The following SMG1 variants were observed in gnomAD, a reference collection of about 807,000 sequenced individuals.
SMG1 encodes serine/threonine-protein kinase SMG1.
In SMG1, 22 loss-of-function variants were observed where a neutral mutation model predicts 419.9. The observed-to-expected ratio is 0.05, with a 90% CI of 0.04 to 0.07. The LOEUF is 0.07. Among genes scored for constraint, SMG1 ranks in the 10% least tolerant of loss-of-function variants. The probability of loss-of-function intolerance (pLI) is 1.00; values close to 1 mark genes in which losing one functional copy is unlikely to be tolerated. For missense variants in SMG1, 3,185 were observed against 4,342.0 expected (o/e 0.73, Z 7.49); for synonymous variants, 1,538 against 1,553.5 (o/e 0.99, Z 0.23).
chr16:18,899,822 A>G (rs190347354), intron 1 of SMG1, among the ~76,000 whole-genome samples: 202 of 152,182 alleles, frequency 1.3e-3, no homozygotes, highest in African/African-American at 4.5e-3. Flanking sequence ...TGTTAAGTCT[A>G]AGAATCCTAG....
At chr16:18,892,967 C>A (rs1438773109) in intron 3 of SMG1, among the ~76,000 whole-genome samples, 1 of 152,210 alleles carries the variant, frequency 6.6e-6, no homozygotes, top group Non-Finnish European at 1.5e-5. Flanking sequence ...GCCTTAGTAA[C>A]AACTTTCTTT....
chr16:18,895,242 A>T (rs1283674537), intron 3 of SMG1, among the ~76,000 whole-genome samples: 2 of 151,984 alleles, frequency 1.3e-5, no homozygotes, highest in Admixed American at 1.3e-4. Context: ...TCACGCCTGT[A>T]ATGAGCACGC....
At position 18,918,433 on chromosome 16, in the gene SMG1, TTTC is replaced by T. The variant is rs560088860; in HGVS notation, c.92+7514_92+7516del. Among the ~76,000 whole-genome samples the T allele has an allele frequency of 2.0e-4, 30 of 152,326 alleles. No individual in the cohort carries two copies. In the South Asian group the frequency reaches 5.6e-3, roughly 28 times the overall value. Reference sequence around the variant, plus strand: ...AATTTGCACCTGGTCTTATCCTAATTTTCTTCTATTTTGGGGGGGATTCTCCCC... The same window carrying T: ...AATTTGCACCTGGTCTTATCCTAATTTTCTATTTTGGGGGGGATTCTCCCC... On this transcript the variant is annotated intron_variant, in intron 1 of 62. Transcript: ENST00000446231.
intron 38 of SMG1, 32 bp downstream of exon 38, chr16:18,847,421 C>A (rs1210108030): frequency 6.2e-7 from 1 of 1,606,158 alleles, no homozygotes; most frequent in South Asian, 1.1e-5. Flanking sequence ...GTGGCAGCTT[C>A]ACTGTCTCAG....
rs2031153643 is a variant in SMG1, at chr16:18,809,357, C to G, written c.*212G>C. On this transcript the variant is annotated 3_prime_UTR_variant, in exon 63 of 63. Transcript: ENST00000446231. Reference sequence around the variant, plus strand: ...AGCTTGCTTTCCTTCACCCTTGACCCTGGGGTTGCAGGCCATGGTGTTGGG... The same window carrying G: ...AGCTTGCTTTCCTTCACCCTTGACCGTGGGGTTGCAGGCCATGGTGTTGGG... The G allele has an allele frequency of 2.0e-5, 11 of 539,378 alleles. No individual in the cohort carries two copies. The South Asian group carries it at 2.8e-4, about 14-fold the overall frequency. The allele number at this position is 539,378 out of a possible 1,614,324, so 33.4% of individuals were successfully genotyped here.
rs1198946587 is a variant in SMG1, at chr16:18,806,192, C to T, written c.*3377G>A. On this transcript the variant is annotated 3_prime_UTR_variant, in exon 63 of 63. Coordinates refer to ENST00000446231, the MANE Select transcript of SMG1 (RefSeq NM_015092.5). ...TTTCCTTAAATTTCACACGTCAGAA[C>T]AACCACAATTAAAAAAACAAAAAAC... The T allele has an allele frequency of 1.3e-5, 2 of 152,418 alleles. No homozygotes were observed. Among genetic ancestry groups the T allele is most frequent in the African/African-American group, 4.8e-5 (2 of 41,408 alleles). The allele number at this position is 152,418 out of a possible 1,614,324, so 9.4% of individuals were successfully genotyped here. A position where few individuals can be genotyped will look rare whatever the true frequency, so the allele number is the denominator to read the frequency against.
chr16:18,807,569 A>C lies in SMG1; in HGVS notation c.*2000T>G, dbSNP rs1023559501. 2.6e-5 allele frequency: 4 copies of C among 152,150 alleles called. No individual in the cohort carries two copies. The highest frequency in any genetic ancestry group is 9.7e-5 in the African/African-American group (4 of 41,444). The allele number at this position is 152,150 out of a possible 1,614,324, so 9.4% of individuals were successfully genotyped here. On this transcript the variant is annotated 3_prime_UTR_variant, in exon 63 of 63. Transcript: ENST00000446231. The stretch of plus-strand genomic sequence containing the variant: ...AGTACCAAAAAAGCACTGATACTGA[A>C]ACACATTCTTTCATGGGTACTTAAC...
intron 35 of SMG1, 68 bp from the exon 36 acceptor site, chr16:18,849,446 TAGATCAAAC>T: frequency 7.0e-7 from 1 of 1,434,682 alleles, no homozygotes; most frequent in Non-Finnish European, 9.6e-7. Flanking sequence ...ATCAGCATCG[TAGATCAAAC>T]AGATAAAACG....
intron 1 of SMG1, among the ~76,000 whole-genome samples, chr16:18,910,145 T>C (rs1390106357): frequency 6.6e-6 from 1 of 151,790 alleles, no homozygotes; most frequent in Non-Finnish European, 1.5e-5. Flanking sequence ...CAGCTCACAG[T>C]AGCCTCGACC....
intron 26 of SMG1, among the ~76,000 whole-genome samples, 166 bp from the exon 27 acceptor site, chr16:18,859,869 T>C (rs1246445129): frequency 6.6e-6 from 1 of 152,128 alleles, no homozygotes; most frequent in African/African-American, 2.4e-5. Context: ...TCATACTTCA[T>C]ACAAAATTAC....
At chr16:18,839,986 T>C in intron 41 of SMG1, 40 bp from the exon 42 acceptor site, 1 of 1,471,616 alleles carries the variant, frequency 6.8e-7, no homozygotes, top group Non-Finnish European at 9.1e-7. Flanking sequence ...AAAAGATCAA[T>C]TTTATATAAG....
At chr16:18,837,006 T>C (rs1246682138) in intron 46 of SMG1, among the ~76,000 whole-genome samples, 5 of 152,224 alleles carry the variant, frequency 3.3e-5, no homozygotes, top group African/African-American at 1.2e-4. Context: ...ATTCCAAGTT[T>C]TGTGTTCTAA....
chr16:18,853,433 T>C (rs539516391), intron 31 of SMG1, 150 bp downstream of exon 31: 3 of 739,388 alleles, frequency 4.1e-6, no homozygotes, highest in Non-Finnish European at 6.1e-6. Context: ...CCTAAATATG[T>C]TTTAGTTATT....
Position 18,808,678 on chromosome 16 carries a change from A to C in SMG1, c.*891T>G, listed in dbSNP as rs1220293142. On this transcript the variant is annotated 3_prime_UTR_variant, in exon 63 of 63. Transcript: ENST00000446231. The stretch of plus-strand genomic sequence containing the variant: ...TTAGATTCATTACTTTTGAATGCAC[A>C]GTGACAATTCTGGAAACTGTACATG... 1 of 152,694 alleles carries C rather than the reference A, an allele frequency of 6.5e-6. No homozygotes were observed. Among genetic ancestry groups the C allele is most frequent in the African/African-American group, 2.4e-5 (1 of 41,466 alleles). 9.5% of individuals were successfully genotyped at this position (152,694 alleles called of 1,614,324 possible).
At chr16:18,918,329 G>A (rs866726003) in intron 1 of SMG1, among the ~76,000 whole-genome samples, 1 of 152,144 alleles carries the variant, frequency 6.6e-6, no homozygotes, top group African/African-American at 2.4e-5. Flanking sequence ...GCCTACAATA[G>A]GGTTCCCAAC....
chr16:18,809,701 G>T, intron 62 of SMG1, 55 bp from the exon 63 acceptor site: 1 of 1,380,792 alleles, frequency 7.2e-7, no homozygotes, highest in Non-Finnish European at 1.0e-6. Flanking sequence ...TCAATTGTCT[G>T]CTGAATTACA....
chr16:18,908,476 CAAAAAAAAAAAAA>C (rs59890240), intron 1 of SMG1, among the ~76,000 whole-genome samples: 1 of 83,708 alleles, frequency 1.2e-5, no homozygotes, highest in Non-Finnish European at 2.3e-5. Context: ...GACTCCGTCT[CAAAAAAAAAAAAA>C]AAAAAAAAAA....
In SMG1 at chr16:18,917,135, CTTAA is replaced by C. The variant is rs796747201; in HGVS notation, c.92+8811_92+8814del. Among the ~76,000 whole-genome samples the C allele has an allele frequency of 2.2e-4, 33 of 151,478 alleles. No individual in the cohort carries two copies. The South Asian group carries it at 3.5e-3, about 16-fold the overall frequency. ...CACATATTGAGCTGAACACTTTTACCTTAATTAATTAATTTATTTATTTATTTAT... is the reference window on the plus strand; with the variant it reads ...CACATATTGAGCTGAACACTTTTACCTTAATTAATTTATTTATTTATTTAT... On this transcript the variant is annotated intron_variant, in intron 1 of 62. Coordinates refer to ENST00000446231, the MANE Select transcript of SMG1 (RefSeq NM_015092.5).
intron 33 of SMG1, 103 bp downstream of exon 33, chr16:18,851,963 AT>A: frequency 8.3e-7 from 1 of 1,203,492 alleles, no homozygotes; most frequent in Non-Finnish European, 1.1e-6. Flanking sequence ...TACAACAACA[AT>A]TGGTAAGCCC....
Sources: allele counts gnomAD v4.1 joint callset (sites outside exome capture counted in the v4.1 genomes callset), GRCh38; gene constraint gnomAD v4.1.1; transcripts MANE v1.5; gene names NCBI Gene and HGNC (gene_info 2026-07-23, HGNC 2026-07-21).